The following HS3ST4 variants were observed in gnomAD, a reference collection of about 807,000 sequenced individuals.
HS3ST4 encodes the protein heparan sulfate glucosamine 3-O-sulfotransferase 4.
Under a neutral mutation model 29.2 loss-of-function variants are expected in HS3ST4, and 17 were observed. The observed-to-expected ratio is 0.58, with a 90% confidence interval of 0.40 to 0.87. The LOEUF (loss-of-function observed/expected upper bound fraction) is 0.87. Ranked by LOEUF, HS3ST4 falls within the 40% of genes least tolerant of loss-of-function variation. The pLI is 0.00. For synonymous variants in HS3ST4, 314 were observed against 285.7 expected, an observed-to-expected ratio of 1.10 and a Z score of -1.00; for missense variants, 627 against 634.5, an observed-to-expected ratio of 0.99 and a Z score of 0.13.
At chr16:26,041,840 ACC>A (rs1969638728) in intron 1 of HS3ST4, among the ~76,000 whole-genome samples, 1 of 152,250 alleles carries the variant, frequency 6.6e-6, no homozygotes, top group Non-Finnish European at 1.5e-5. Flanking sequence ...TCCCAGTCAA[ACC>A]ATGATCTCTG....
chr16:26,132,043 C>T (rs1006801852), intron 1 of HS3ST4, among the ~76,000 whole-genome samples: 1 of 152,130 alleles, frequency 6.6e-6, no homozygotes, highest in African/African-American at 2.4e-5. Context: ...AATAATGATG[C>T]CTGCTCTGTT....
intron 1 of HS3ST4, among the ~76,000 whole-genome samples, chr16:25,867,594 G>GCACA (rs71672492): frequency 6.6e-6 from 1 of 151,352 alleles, no homozygotes; most frequent in African/African-American, 2.4e-5. Flanking sequence ...ACACACACAT[G>GCACA]CACACACACA....
chr16:25,993,413 C>T (rs1765896501), intron 1 of HS3ST4, among the ~76,000 whole-genome samples: 1 of 152,088 alleles, frequency 6.6e-6, no homozygotes. Flanking sequence ...TCCTATGACC[C>T]TCAGAGAAAG....
intron 1 of HS3ST4, among the ~76,000 whole-genome samples, chr16:26,047,959 A>G (rs1898290069): frequency 6.6e-6 from 1 of 152,018 alleles, no homozygotes; most frequent in East Asian, 1.9e-4. Context: ...GAGAGGCATG[A>G]CTCCTGCTCC....
intron 1 of HS3ST4, among the ~76,000 whole-genome samples, chr16:26,124,795 A>T (rs1899320585): frequency 6.6e-6 from 1 of 152,234 alleles, no homozygotes; most frequent in Admixed American, 6.5e-5. Context: ...ATTAGAGTTG[A>T]TGAGGAACTT....
chr16:25,865,804 C>T (rs1000946397), intron 1 of HS3ST4, among the ~76,000 whole-genome samples: 3 of 152,048 alleles, frequency 2.0e-5, no homozygotes, highest in African/African-American at 7.2e-5. Context: ...TTAGCTGACA[C>T]CATAGGCAAA....
At chr16:25,737,341 G>T (rs1297158613) in intron 1 of HS3ST4, among the ~76,000 whole-genome samples, 3 of 136,358 alleles carry the variant, frequency 2.2e-5, no homozygotes, top group Admixed American at 7.9e-5. Context: ...GTGAATAAAA[G>T]TATATGTTTT....
intron 1 of HS3ST4, chr16:25,824,823 C>T (rs937066872): frequency 3.3e-5 from 5 of 152,222 alleles, no homozygotes; most frequent in Non-Finnish European, 7.3e-5. Context: ...TAGTGCCCTA[C>T]TGGCTATCAG....
intron 1 of HS3ST4, among the ~76,000 whole-genome samples, chr16:25,931,746 A>G (rs1264044344): frequency 6.6e-6 from 1 of 152,248 alleles, no homozygotes; most frequent in African/African-American, 2.4e-5. Flanking sequence ...TGTTATTAAA[A>G]TGCAGAATTC....
intron 1 of HS3ST4, among the ~76,000 whole-genome samples, chr16:26,024,596 G>A (rs1969448734): frequency 1.3e-5 from 2 of 152,232 alleles, no homozygotes; most frequent in African/African-American, 4.8e-5. Flanking sequence ...GCAGGGCATG[G>A]TGGTAGGTGC....
chr16:26,017,306 G>C (rs1284736273), intron 1 of HS3ST4, among the ~76,000 whole-genome samples: 1 of 152,180 alleles, frequency 6.6e-6, no homozygotes, highest in Non-Finnish European at 1.5e-5. Flanking sequence ...CAAATGCTTG[G>C]TAAAACTGTC....
At chr16:26,023,968 T>TA (rs1969441645) in intron 1 of HS3ST4, among the ~76,000 whole-genome samples, 1 of 152,168 alleles carries the variant, frequency 6.6e-6, no homozygotes, top group Non-Finnish European at 1.5e-5. Flanking sequence ...CTCACGCCTG[T>TA]AATCCCAGCA....
intron 1 of HS3ST4, among the ~76,000 whole-genome samples, chr16:25,714,076 T>C (rs1295340218): frequency 6.6e-6 from 1 of 152,138 alleles, no homozygotes; most frequent in Non-Finnish European, 1.5e-5. Flanking sequence ...ATCTCTGTAC[T>C]AATCCATTAC....
At chr16:25,755,218 T>C (rs1966749776) in intron 1 of HS3ST4, among the ~76,000 whole-genome samples, 1 of 152,130 alleles carries the variant, frequency 6.6e-6, no homozygotes, top group Non-Finnish European at 1.5e-5. Context: ...CAGAGATCAA[T>C]AGGGCATACT....
At chr16:26,013,436 A>G (rs561514308) in intron 1 of HS3ST4, among the ~76,000 whole-genome samples, 3 of 152,288 alleles carry the variant, frequency 2.0e-5, no homozygotes, top group South Asian at 2.1e-4. Flanking sequence ...AGCAATTAAT[A>G]TAAAATATAT....
At chr16:26,085,712 A>AT (rs895486793) in intron 1 of HS3ST4, among the ~76,000 whole-genome samples, 11 of 151,786 alleles carry the variant, frequency 7.2e-5, no homozygotes, top group African/African-American at 2.2e-4. Context: ...CTCTACAAAA[A>AT]TTTTTTTAAA....
chr16:25,944,956 A>G (rs910176797), intron 1 of HS3ST4, among the ~76,000 whole-genome samples: 10 of 152,134 alleles, frequency 6.6e-5, no homozygotes, highest in African/African-American at 2.4e-4. Context: ...GAACAACTCG[A>G]CTTTAAAAAA....
chr16:25,926,124 A>G (rs1229269727), intron 1 of HS3ST4, among the ~76,000 whole-genome samples: 3 of 152,220 alleles, frequency 2.0e-5, no homozygotes, highest in Admixed American at 1.3e-4. Flanking sequence ...CAAGGTTTTT[A>G]GAAAATTTAC....
At chr16:25,903,467 A>G (rs1412943449) in intron 1 of HS3ST4, among the ~76,000 whole-genome samples, 1 of 151,636 alleles carries the variant, frequency 6.6e-6, no homozygotes, top group Non-Finnish European at 1.5e-5. Context: ...ATCATTACCT[A>G]TAACAATATG....
Sources: gnomAD v4.1 joint callset for allele counts (sites outside exome capture counted in the v4.1 genomes callset) on GRCh38, gnomAD v4.1.1 for gene constraint, MANE v1.5 for transcripts, NCBI Gene and HGNC (gene_info 2026-07-23, HGNC 2026-07-21) for gene names.